The following LSAMP variants were observed in gnomAD, a reference collection of about 807,000 sequenced individuals.
The protein encoded by LSAMP is limbic system-associated membrane protein.
A neutral mutation model predicts 38.6 loss-of-function variants in LSAMP; 7 were observed. The ratio of observed to expected loss-of-function variants is 0.18; its 90% CI spans 0.10 to 0.34. The LOEUF is 0.34. Among genes scored for constraint, LSAMP ranks in the 10% least tolerant of loss-of-function variants. The probability of loss-of-function intolerance (pLI) is 1.00; values close to 1 mark genes in which losing one functional copy is unlikely to be tolerated. For synonymous variants in LSAMP, 154 were observed against 166.8 expected (o/e 0.92, Z 0.59); for missense variants, 313 against 420.0 (o/e 0.75, Z 2.23).
chr3:116,383,673 A>G (rs1435632215), intron 1 of LSAMP, among the ~76,000 whole-genome samples: 5 of 152,278 alleles, frequency 3.3e-5, no homozygotes, highest in Non-Finnish European at 7.4e-5. Context: ...GTATGTAAGT[A>G]CATGTTTAAA....
At chr3:116,017,488 G>T (rs1223560619) in intron 3 of LSAMP, among the ~76,000 whole-genome samples, 1 of 151,982 alleles carries the variant, frequency 6.6e-6, no homozygotes, top group Non-Finnish European at 1.5e-5. Flanking sequence ...AAAAATAATG[G>T]TAAGAAAACA....
chr3:116,211,751 G>A (rs2046159150), intron 1 of LSAMP, among the ~76,000 whole-genome samples: 1 of 152,134 alleles, frequency 6.6e-6, no homozygotes, highest in South Asian at 2.1e-4. Flanking sequence ...TAGTCAGTCT[G>A]GCAAAAACAA....
chr3:116,241,689 T>C (rs1993731), intron 1 of LSAMP, among the ~76,000 whole-genome samples: 150,104 of 152,332 alleles, frequency 0.99, 74,003 homozygotes, highest in Middle Eastern at 1. Context: ...CCATTCTAGA[T>C]CTAATTATTT....
At chr3:116,005,256 C>T (rs1197243350) in intron 3 of LSAMP, among the ~76,000 whole-genome samples, 2 of 152,098 alleles carry the variant, frequency 1.3e-5, no homozygotes, top group Non-Finnish European at 2.9e-5. Context: ...AAGGTACCAC[C>T]TCAGGCAACT....
chr3:116,075,558 T>C (rs1487673382), intron 2 of LSAMP, among the ~76,000 whole-genome samples: 3 of 151,604 alleles, frequency 2.0e-5, no homozygotes, highest in Non-Finnish European at 2.9e-5. Flanking sequence ...TTTTTTTTTT[T>C]TTAGATGGAG....
At chr3:115,987,189 C>T (rs1486191030) in intron 3 of LSAMP, among the ~76,000 whole-genome samples, 5 of 152,138 alleles carry the variant, frequency 3.3e-5, no homozygotes, top group Non-Finnish European at 7.3e-5. Context: ...TCTTCCTGAT[C>T]ACAAACAAGA....
At chr3:116,268,481 C>CT (rs1340888694) in intron 1 of LSAMP, among the ~76,000 whole-genome samples, 2 of 152,062 alleles carry the variant, frequency 1.3e-5, no homozygotes, top group African/African-American at 4.8e-5. Flanking sequence ...ACAACCAGCT[C>CT]TTTATATGCT....
intron 1 of LSAMP, among the ~76,000 whole-genome samples, chr3:116,331,968 G>T (rs1407444866): frequency 1.3e-5 from 2 of 151,962 alleles, no homozygotes; most frequent in African/African-American, 4.8e-5. Flanking sequence ...CTCCCAAGTA[G>T]CTGGGACTAC....
chr3:116,345,647 A>G (rs908333947), intron 1 of LSAMP, among the ~76,000 whole-genome samples: 4 of 152,052 alleles, frequency 2.6e-5, no homozygotes, highest in Middle Eastern at 3.2e-3. Context: ...CCAGTTTCAT[A>G]ATAATGTTAT....
chr3:115,919,731 C>T (rs1482765915), intron 3 of LSAMP, among the ~76,000 whole-genome samples: 2 of 152,152 alleles, frequency 1.3e-5, no homozygotes, highest in African/African-American at 4.8e-5. Context: ...CTTGCCTCAG[C>T]CTCCCGAGTA....
At chr3:115,868,057 C>G (rs953500050) in intron 3 of LSAMP, among the ~76,000 whole-genome samples, 1 of 152,042 alleles carries the variant, frequency 6.6e-6, no homozygotes. Flanking sequence ...AATATAGTTA[C>G]AGTTGGTCTA....
chr3:115,967,172 A>G (rs1938844704), intron 3 of LSAMP, among the ~76,000 whole-genome samples: 1 of 152,130 alleles, frequency 6.6e-6, no homozygotes, highest in Non-Finnish European at 1.5e-5. Context: ...CACCCAAGTC[A>G]CCTCTTGAAT....
intron 1 of LSAMP, among the ~76,000 whole-genome samples, chr3:116,224,527 A>G (rs1199032867): frequency 6.6e-6 from 1 of 152,244 alleles, no homozygotes; most frequent in Admixed American, 6.5e-5. Flanking sequence ...GAACAGGGAT[A>G]TATTTTTCTG....
chr3:116,179,556 G>T (rs560982922), intron 1 of LSAMP, among the ~76,000 whole-genome samples: 2 of 152,108 alleles, frequency 1.3e-5, no homozygotes, highest in East Asian at 3.9e-4. Flanking sequence ...CATAGCTGGG[G>T]AGGCCTCAGG....
intron 1 of LSAMP, among the ~76,000 whole-genome samples, chr3:116,247,909 C>T (rs893036600): frequency 6.6e-6 from 1 of 152,182 alleles, no homozygotes; most frequent in African/African-American, 2.4e-5. Flanking sequence ...AGTGAAACAT[C>T]ATGTCCTCAT....
rs1937828137 is a variant in LSAMP at position 115,939,544 on chromosome 3, C to CTTTCTTTCTTTA, written c.514+79970_514+79971insTAAAGAAAGAAA. ...ATGTTCTCTTTCTCTTTCTTTCTTTCTTTCTTTCTTTCTTTCTTTCTTTCT... is the reference window on the plus strand; with the variant it reads ...ATGTTCTCTTTCTCTTTCTTTCTTTCTTTCTTTCTTTATTTCTTTCTTTCTTTCTTTCTTTCT... On this transcript the variant is annotated intron_variant, in intron 3 of 6. Coordinates refer to ENST00000490035, the MANE Select transcript of LSAMP (RefSeq NM_002338.5). 3.5e-5 allele frequency among the ~76,000 whole-genome samples: 3 copies of CTTTCTTTCTTTA among 84,546 alleles called. No homozygotes were observed. In the East Asian group the frequency reaches 2.1e-3, roughly 60 times the overall value. The allele number at this position is 84,546 out of a possible 152,430, so 55.5% of individuals were successfully genotyped here.
chr3:116,119,708 G>C (rs1033304142), intron 1 of LSAMP, among the ~76,000 whole-genome samples: 1 of 150,766 alleles, frequency 6.6e-6, no homozygotes, highest in Admixed American at 6.6e-5. Flanking sequence ...ACCCAGGCTG[G>C]AGTACAGTGG....
chr3:116,078,825 A>G (rs931571613), intron 2 of LSAMP, among the ~76,000 whole-genome samples: 4 of 152,076 alleles, frequency 2.6e-5, no homozygotes, highest in African/African-American at 9.7e-5. Flanking sequence ...TCCAAGTTAT[A>G]TTGTTCCTTC....
chr3:116,287,874 G>A (rs775760429), intron 1 of LSAMP, among the ~76,000 whole-genome samples: 23 of 150,574 alleles, frequency 1.5e-4, no homozygotes, highest in Non-Finnish European at 2.7e-4. Flanking sequence ...CAGCCTCCCT[G>A]GCTAAGAACA....
Sources: gnomAD v4.1 joint callset for allele counts (sites outside exome capture counted in the v4.1 genomes callset) on GRCh38, gnomAD v4.1.1 for gene constraint, MANE v1.5 for transcripts, NCBI Gene and HGNC (gene_info 2026-07-23, HGNC 2026-07-21) for gene names.